The following ANKRD44 variants were observed in gnomAD, a reference collection of about 807,000 sequenced individuals.
ANKRD44 encodes the protein serine/threonine-protein phosphatase 6 regulatory ankyrin repeat subunit B.
In ANKRD44, 35 loss-of-function variants were observed where a neutral mutation model predicts 116.0. The observed-to-expected ratio is 0.30, with a 90% CI of 0.23 to 0.40. ANKRD44 has a LOEUF of 0.40. ANKRD44 is among the 10% of genes least tolerant of loss of function. ANKRD44 has a pLI of 1.00. For missense variants in ANKRD44, 1,014 were observed against 1,242.6 expected (o/e 0.82, Z 2.77); for synonymous variants, 435 against 461.8 (o/e 0.94, Z 0.74).
chr2:197,134,735 T>G (rs995589850), intron 4 of ANKRD44: 1 of 152,156 alleles, frequency 6.6e-6, no homozygotes, highest in Non-Finnish European at 1.5e-5. Context: ...AAAAGGTGCC[T>G]GGCATATGGG....
chr2:197,195,853 A>G (rs1393467726), intron 1 of ANKRD44, among the ~76,000 whole-genome samples: 1 of 152,246 alleles, frequency 6.6e-6, no homozygotes, highest in Non-Finnish European at 1.5e-5. Context: ...CCATATTTCT[A>G]TCAGGATCTG....
intron 2 of ANKRD44, among the ~76,000 whole-genome samples, chr2:197,167,626 C>T (rs2080129186): frequency 6.6e-6 from 1 of 152,238 alleles, no homozygotes; most frequent in African/African-American, 2.4e-5. Flanking sequence ...GGGAAATCTA[C>T]ATCCAGGTGA....
intron 1 of ANKRD44, among the ~76,000 whole-genome samples, chr2:197,187,401 T>TA (rs1003552940): frequency 2.0e-5 from 3 of 152,210 alleles, no homozygotes; most frequent in African/African-American, 7.2e-5. Context: ...GATAGGCCCT[T>TA]AAATCCCTGA....
intron 1 of ANKRD44, among the ~76,000 whole-genome samples, chr2:197,297,041 G>A (rs892673448): frequency 6.6e-6 from 1 of 152,176 alleles, no homozygotes; most frequent in Non-Finnish European, 1.5e-5. Context: ...TGAAGAGGAA[G>A]TGGCATTCTT....
At chr2:197,171,414 T>C (rs1055303873) in intron 2 of ANKRD44, among the ~76,000 whole-genome samples, 14 of 152,132 alleles carry the variant, frequency 9.2e-5, no homozygotes, top group African/African-American at 2.9e-4. Flanking sequence ...GAATGTCTGT[T>C]TGGGAGGGCT....
Position 197,023,541 on chromosome 2 carries a change from T to C in ANKRD44, c.1722+1655A>G, listed in dbSNP as rs145887057. ...CAGCAACCCATAGAGTTTAGCAGAG[T>C]ACACAATAAGCATTCAACAAATACA... On this transcript the variant is annotated intron_variant, in intron 17 of 27. Transcript: ENST00000282272. 2.1e-3 allele frequency among the ~76,000 whole-genome samples: 321 copies of C among 151,764 alleles called. 12 individuals carry two copies. The South Asian group carries it at 0.064, about 30-fold the overall frequency.
chr2:197,202,974 C>A (rs1229754458), intron 1 of ANKRD44, among the ~76,000 whole-genome samples: 1 of 152,030 alleles, frequency 6.6e-6, no homozygotes, highest in Admixed American at 6.6e-5. Flanking sequence ...CTAGGTCCCA[C>A]CCCAATAAGC....
At chr2:197,285,254 C>T (rs1043949172) in intron 1 of ANKRD44, among the ~76,000 whole-genome samples, 1 of 152,076 alleles carries the variant, frequency 6.6e-6, no homozygotes, top group African/African-American at 2.4e-5. Context: ...AGCCCCAACC[C>T]ACTGCAGGAA....
chr2:197,228,777 T>C (rs1198869824), intron 1 of ANKRD44, among the ~76,000 whole-genome samples: 1 of 152,232 alleles, frequency 6.6e-6, no homozygotes, highest in Non-Finnish European at 1.5e-5. Context: ...GGCTCACGCC[T>C]GTAATCCCAG....
chr2:197,071,032 T>A (rs1320997683), intron 16 of ANKRD44, among the ~76,000 whole-genome samples: 1 of 152,214 alleles, frequency 6.6e-6, no homozygotes, highest in Non-Finnish European at 1.5e-5. Context: ...AATATTCCTT[T>A]ATCCTTTTAA....
At chr2:197,182,302 T>C (rs2080528189) in intron 2 of ANKRD44, among the ~76,000 whole-genome samples, 1 of 152,144 alleles carries the variant, frequency 6.6e-6, no homozygotes. Flanking sequence ...ACAGAAACCA[T>C]AAAAAGACTC....
At chr2:197,285,827 G>A (rs558978463) in intron 1 of ANKRD44, among the ~76,000 whole-genome samples, 4 of 152,282 alleles carry the variant, frequency 2.6e-5, no homozygotes, top group African/African-American at 7.2e-5. Flanking sequence ...TATAGGGTCA[G>A]ATTCTGAAAA....
chr2:197,128,341 G>T (rs2079024590), intron 4 of ANKRD44, among the ~76,000 whole-genome samples: 1 of 152,144 alleles, frequency 6.6e-6, no homozygotes, highest in South Asian at 2.1e-4. Flanking sequence ...ATTCTGACTG[G>T]TGTGAGATGG....
chr2:197,201,388 C>T lies in ANKRD44; in HGVS notation c.28-14282G>A, dbSNP rs564603327. On this transcript the variant is annotated intron_variant, in intron 1 of 27. Coordinates refer to ENST00000282272, the MANE Select transcript of ANKRD44 (RefSeq NM_001195144.2). This position sits in a 1 kb window ranked among gnomAD's most constrained non-coding sequence, Gnocchi z 4.0. ...TTTTTATTTAGCAGAATTTTGAATGCCCGTTGCCTCCGTGGCACTAGGCAA... is the reference window on the plus strand; with the variant it reads ...TTTTTATTTAGCAGAATTTTGAATGTCCGTTGCCTCCGTGGCACTAGGCAA... 1.3e-5 allele frequency among the ~76,000 whole-genome samples: 2 copies of T among 148,248 alleles called. No individual in the cohort carries two copies. The highest frequency in any genetic ancestry group is 4.1e-4 in the South Asian group (2 of 4,826).
chr2:197,237,764 C>T (rs1381414337), intron 1 of ANKRD44, among the ~76,000 whole-genome samples: 1 of 152,216 alleles, frequency 6.6e-6, no homozygotes, highest in African/African-American at 2.4e-5. Context: ...ATCAGCTCCT[C>T]TAAAATAATT....
chr2:197,066,669 A>T (rs1370395360), intron 16 of ANKRD44, among the ~76,000 whole-genome samples: 1 of 152,330 alleles, frequency 6.6e-6, no homozygotes, highest in South Asian at 2.1e-4. Context: ...GAGCCAAATC[A>T]TGACTGAACT....
chr2:197,226,530 G>A (rs2712871), intron 1 of ANKRD44, among the ~76,000 whole-genome samples: 34,334 of 151,970 alleles, frequency 0.23, 4,021 homozygotes, highest in Middle Eastern at 0.28. Flanking sequence ...CAGGTGTGGT[G>A]GTGCACGCCT....
At chr2:197,187,185 TG>T in intron 1 of ANKRD44, 79 bp from the exon 2 acceptor site, 2 of 1,424,040 alleles carry the variant, frequency 1.4e-6, no homozygotes, top group South Asian at 1.2e-5. Context: ...TGAGAAGATT[TG>T]TTCCTTAAAA....
chr2:197,116,781 T>C (rs1486276139), intron 8 of ANKRD44, among the ~76,000 whole-genome samples: 1 of 152,190 alleles, frequency 6.6e-6, no homozygotes, highest in Non-Finnish European at 1.5e-5. Flanking sequence ...TCTTCTGTTC[T>C]CTACCAGTCT....
Sources: gnomAD v4.1 joint callset for allele counts (sites outside exome capture counted in the v4.1 genomes callset) on GRCh38, gnomAD v4.1.1 for gene constraint, Gnocchi (gnomAD v3.1) non-coding constraint, MANE v1.5 for transcripts, NCBI Gene and HGNC (gene_info 2026-07-23, HGNC 2026-07-21) for gene names.